The following SCUBE1 variants were observed in gnomAD, a reference collection of about 807,000 sequenced individuals.
SCUBE1 encodes the protein signal peptide, CUB and EGF-like domain-containing protein 1.
Under a neutral mutation model 124.4 loss-of-function variants are expected in SCUBE1, and 59 were observed. That is an observed-to-expected ratio of 0.47 (90% CI 0.38 to 0.59). SCUBE1 has a LOEUF of 0.59. SCUBE1 is among the 20% of genes least tolerant of loss of function. The probability of loss-of-function intolerance (pLI) is 0.00; values close to 1 mark genes in which losing one functional copy is unlikely to be tolerated. For missense variants in SCUBE1, 1,150 were observed against 1,371.2 expected, an observed-to-expected ratio of 0.84 and a Z score of 2.55; for synonymous variants, 545 against 550.9, an observed-to-expected ratio of 0.99 and a Z score of 0.15.
chr22:43,333,623 A>G (rs1318949770), intron 2 of SCUBE1, among the ~76,000 whole-genome samples: 3 of 152,184 alleles, frequency 2.0e-5, no homozygotes, highest in Non-Finnish European at 4.4e-5. Flanking sequence ...AATGATAGAG[A>G]AAGTACATTT....
intron 6 of SCUBE1, among the ~76,000 whole-genome samples, chr22:43,239,821 A>G (rs994199827): frequency 2.6e-5 from 4 of 152,168 alleles, no homozygotes; most frequent in African/African-American, 7.2e-5. Context: ...TGGAAAGCCA[A>G]TGGGCGCCCA....
Position 43,208,228 on chromosome 22 carries a change from C to A in SCUBE1, c.2582-4G>T, listed in dbSNP as rs752721800. ...GTGGTGATGGACGTGGGAGAGGCTG[C>A]GGGTGAAGCATCATTGCTGAGCTGC... is the stretch of plus-strand genomic sequence containing the variant. On this transcript the variant is annotated splice_region_variant and splice_polypyrimidine_tract_variant and intron_variant, in intron 19 of 21. Coordinates refer to ENST00000360835, the MANE Select transcript of SCUBE1 (RefSeq NM_173050.5). 24 of 1,613,408 alleles carry A rather than the reference C, an allele frequency of 1.5e-5. No homozygotes were observed. Among genetic ancestry groups the A allele is most frequent in the Non-Finnish European group, 2.0e-5 (24 of 1,179,804 alleles).
intron 3 of SCUBE1, among the ~76,000 whole-genome samples, chr22:43,303,060 C>T (rs1925834080): frequency 6.6e-6 from 1 of 152,246 alleles, no homozygotes; most frequent in Non-Finnish European, 1.5e-5. Context: ...TCCTGCCAGA[C>T]TCCAGCCAAG....
intron 3 of SCUBE1, among the ~76,000 whole-genome samples, chr22:43,306,297 T>C (rs1482800000): frequency 6.6e-6 from 1 of 152,176 alleles, no homozygotes; most frequent in Non-Finnish European, 1.5e-5. Flanking sequence ...AAGACACTTA[T>C]TTATTTATTT....
chr22:43,272,527 A>G (rs528366920), intron 4 of SCUBE1: 7 of 152,210 alleles, frequency 4.6e-5, no homozygotes, highest in African/African-American at 1.7e-4. Flanking sequence ...TCATTCCACA[A>G]ATATTTAGGG....
At position 43,218,378 on chromosome 22, in the gene SCUBE1, C is replaced by T. The variant is rs762120392; in HGVS notation, c.1768G>A (p.Gly590Ser). The T allele has an allele frequency of 2.1e-5, 34 of 1,613,362 alleles. No individual in the cohort carries two copies. Among genetic ancestry groups the T allele is most frequent in the African/African-American group, 6.7e-5 (5 of 74,956 alleles). ...AAIKTLRKSIGRQQFYVQVSG... is the reference protein window; with the variant it reads ...AAIKTLRKSISRQQFYVQVSG... ...ACCTGGACATAGAACTGCTGCCGGC[C>T]GATGGACTTGCGCAGGGTCTTGATG... Residue 590 changes from glycine (G) to serine (S), a missense_variant, in exon 15 of 22, where the codon GGC becomes AGC. Physicochemically the swap from Gly to Ser is moderately conservative, Grantham distance 56. This residue lies in a region of SCUBE1 where 757 missense variants were observed against 840.9 expected (regional missense o/e 0.90). Coordinates refer to ENST00000360835, the MANE Select transcript of SCUBE1 (RefSeq NM_173050.5).
At chr22:43,245,064 G>T (rs780367847) in intron 6 of SCUBE1, among the ~76,000 whole-genome samples, 1 of 152,248 alleles carries the variant, frequency 6.6e-6, no homozygotes, top group African/African-American at 2.4e-5. Context: ...ATCGCTTTGG[G>T]ATAAAAGCCA....
intron 6 of SCUBE1, among the ~76,000 whole-genome samples, chr22:43,247,787 C>T (rs1273080773): frequency 6.6e-6 from 1 of 152,226 alleles, no homozygotes; most frequent in African/African-American, 2.4e-5. Flanking sequence ...CCGGTCGGGC[C>T]TGTTTTTACA....
intron 15 of SCUBE1, among the ~76,000 whole-genome samples, chr22:43,217,085 C>G (rs1921856697): frequency 9.1e-6 from 1 of 109,966 alleles, no homozygotes; most frequent in Non-Finnish European, 1.7e-5. Context: ...GGTGTCACCT[C>G]TTTACCAACA....
At chr22:43,316,167 T>C (rs1295525812) in intron 3 of SCUBE1, among the ~76,000 whole-genome samples, 2 of 152,226 alleles carry the variant, frequency 1.3e-5, no homozygotes, top group African/African-American at 4.8e-5. Context: ...TGATCTCATT[T>C]AATCCTCACA....
At chr22:43,290,321 T>G (rs113251208) in intron 4 of SCUBE1, among the ~76,000 whole-genome samples, 1 of 151,392 alleles carries the variant, frequency 6.6e-6, no homozygotes, top group Admixed American at 6.6e-5. Flanking sequence ...GTGTCCTGGC[T>G]CTCTCCTCCA....
intron 3 of SCUBE1, among the ~76,000 whole-genome samples, chr22:43,315,354 C>A (rs115078748): frequency 0.011 from 1,676 of 152,204 alleles, 14 homozygotes; most frequent in Middle Eastern, 0.061. Flanking sequence ...AGCGGTGACA[C>A]CTGAATTTGA....
At chr22:43,235,390 G>C (rs1922718507) in intron 7 of SCUBE1, among the ~76,000 whole-genome samples, 1 of 152,144 alleles carries the variant, frequency 6.6e-6, no homozygotes, top group African/African-American at 2.4e-5. Context: ...AGCAGAGGGA[G>C]GGCACAGGGT....
intron 12 of SCUBE1, 141 bp downstream of exon 12, chr22:43,222,497 C>T (rs1922131972): frequency 4.6e-6 from 3 of 651,764 alleles, no homozygotes; most frequent in Non-Finnish European, 7.7e-6. Flanking sequence ...TGGCTCATCG[C>T]CAGCACCCCA....
chr22:43,310,829 A>T (rs181243529), intron 3 of SCUBE1, among the ~76,000 whole-genome samples: 1 of 152,310 alleles, frequency 6.6e-6, no homozygotes, highest in Non-Finnish European at 1.5e-5. Context: ...CCCAGGCTGG[A>T]GTGCAGCAGT....
intron 7 of SCUBE1, chr22:43,237,995 T>C (rs1390667806): frequency 1.3e-5 from 2 of 152,532 alleles, no homozygotes; most frequent in East Asian, 1.9e-4. Context: ...CCACAGCTTC[T>C]TGGGGCTCCG....
chr22:43,251,597 C>T (rs1384731697), intron 6 of SCUBE1, among the ~76,000 whole-genome samples: 2 of 152,116 alleles, frequency 1.3e-5, no homozygotes, highest in Non-Finnish European at 2.9e-5. Flanking sequence ...AGGCTGCTGG[C>T]TCTGCAGGTG....
At chr22:43,267,573 C>T (rs982563742) in intron 4 of SCUBE1, among the ~76,000 whole-genome samples, 5 of 152,194 alleles carry the variant, frequency 3.3e-5, no homozygotes, top group African/African-American at 1.2e-4. Flanking sequence ...TCACTTAACA[C>T]AGCATGCTGG....
chr22:43,208,203 G>A lies in SCUBE1; in HGVS notation c.2603C>T (p.Thr868Ile). The A allele has an allele frequency of 6.2e-7, 1 of 1,614,078 alleles. No homozygotes were observed. The highest frequency in any genetic ancestry group is 8.5e-7 in the Non-Finnish European group (1 of 1,179,990). The change falls in exon 20 of 22, where the codon ACC becomes ATC. Residue 868 changes from threonine to isoleucine, a missense_variant. Around this residue, in one of 3 missense-constraint regions of SCUBE1, gnomAD observed 757 missense variants for 840.9 expected, o/e 0.90. Coordinates refer to ENST00000360835, the MANE Select transcript of SCUBE1 (RefSeq NM_173050.5). ...CTCGTAGGTCTGGCAGGTCTCATAG[G>A]TGGTGATGGACGTGGGAGAGGCTGC... ...RKSASPTSIT[T>I]YETCQTYERP...
Sources: gnomAD v4.1 joint callset for allele counts (sites outside exome capture counted in the v4.1 genomes callset) on GRCh38, gnomAD v4.1.1 for gene constraint, gnomAD v4.1.1 regional missense constraint, MANE v1.5 for transcripts, NCBI Gene and HGNC (gene_info 2026-07-23, HGNC 2026-07-21) for gene names.